The following SLC30A7 variants were observed in gnomAD, a reference collection of about 807,000 sequenced individuals.
SLC30A7 encodes the protein zinc transporter 7.
In SLC30A7, 35 loss-of-function variants were observed where a neutral mutation model predicts 46.0. The observed-to-expected ratio is 0.76, with a 90% confidence interval of 0.58 to 1.01. The LOEUF (loss-of-function observed/expected upper bound fraction) is 1.01, where lower values mean the gene tolerates loss of function less well. Among genes scored for constraint, SLC30A7 ranks in the 50% least tolerant of loss-of-function variants. The pLI, the probability that SLC30A7 is intolerant of heterozygous loss-of-function variation, is 0.00. For synonymous variants in SLC30A7, 147 were observed against 157.8 expected (o/e 0.93, Z 0.51); for missense variants, 464 against 451.1 (o/e 1.03, Z -0.26).
chr1:100,948,487 A>T (rs1223443758), intron 8 of SLC30A7, among the ~76,000 whole-genome samples: 1 of 151,910 alleles, frequency 6.6e-6, no homozygotes, highest in East Asian at 1.9e-4. Flanking sequence ...TTTTTCCTGC[A>T]TTTCAACCTT....
chr1:100,943,328 A>G (rs1481992036), intron 8 of SLC30A7, among the ~76,000 whole-genome samples: 3 of 152,208 alleles, frequency 2.0e-5, no homozygotes, highest in Non-Finnish European at 4.4e-5. Flanking sequence ...AAAGGACATA[A>G]CAAAGGATAC....
Position 100,913,792 on chromosome 1 carries a change from A to G in SLC30A7, c.641A>G (p.His214Arg), listed in dbSNP as rs568204643. The change falls in exon 6 of 11, where the codon CAC becomes CGC. Residue 214 changes from histidine (H) to arginine (R), a missense_variant. By Grantham distance (29) the His-to-Arg change is conservative. Transcript: ENST00000357650. The stretch of plus-strand genomic sequence containing the variant: ...CATGATCATGCTCATGGACATGGAC[A>G]CTTTCATTCTCATGGTGAGTACAGC... The part of the protein sequence containing the change: ...HSHDHAHGHG[H>R]FHSHDGPSLK... 7 of 1,613,878 alleles carry G rather than the reference A, an allele frequency of 4.3e-6. No individual in the cohort carries two copies. The South Asian group carries it at 7.7e-5, about 18-fold the overall frequency.
chr1:100,974,774 T>C, intron 10 of SLC30A7, 36 bp from the exon 11 acceptor site: 1 of 1,549,844 alleles, frequency 6.5e-7, no homozygotes, highest in Non-Finnish European at 8.8e-7. Flanking sequence ...TATTAGCTTG[T>C]TAGATTTTCT....
At chr1:100,912,341 A>T in intron 5 of SLC30A7, 103 bp downstream of exon 5, 1 of 1,288,310 alleles carries the variant, frequency 7.8e-7, no homozygotes, top group Non-Finnish European at 1.1e-6. Flanking sequence ...TCTGATGTCA[A>T]CAGACTATGT....
chr1:100,958,981 A>AT (rs1181593870), intron 8 of SLC30A7, among the ~76,000 whole-genome samples: 5 of 152,230 alleles, frequency 3.3e-5, no homozygotes, highest in African/African-American at 4.8e-5. Context: ...GACACTTGAA[A>AT]TTTTAAAGAA....
In SLC30A7 at chr1:100,976,709, GT is replaced by G. The variant is rs1214800044; in HGVS notation, c.*1856del. On this transcript the variant is annotated 3_prime_UTR_variant, in exon 11 of 11. Coordinates refer to ENST00000357650, the MANE Select transcript of SLC30A7 (RefSeq NM_133496.5). ...TGGCAGAAATCCCTGTTGATTCTAAGTTTTAGAGTGTCTTTTCCCCTATTTC... is the reference window on the plus strand; with the variant it reads ...TGGCAGAAATCCCTGTTGATTCTAAGTTTAGAGTGTCTTTTCCCCTATTTC... 2.0e-5 allele frequency: 3 copies of G among 152,576 alleles called. No individual in the cohort carries two copies. The highest frequency in any genetic ancestry group is 4.4e-5 in the Non-Finnish European group (3 of 68,016). 9.5% of individuals were successfully genotyped at this position (152,576 alleles called of 1,614,324 possible). A position where few individuals can be genotyped will look rare whatever the true frequency, so the allele number is the denominator to read the frequency against.
In SLC30A7 at chr1:100,896,162, C is replaced by A; in HGVS notation, c.-101C>A. On this transcript the variant is annotated 5_prime_UTR_variant, in exon 1 of 11. Coordinates refer to ENST00000357650, the MANE Select transcript of SLC30A7 (RefSeq NM_133496.5). ...GCAGCGGCGCGCGGCCCCGGACAAG[C>A]GCTGGGGATTCCCGTTTGAGGCGTC... 3.9e-6 allele frequency: 4 copies of A among 1,033,968 alleles called. No individual in the cohort carries two copies. Among genetic ancestry groups the A allele is most frequent in the Non-Finnish European group, 4.5e-6 (3 of 663,826 alleles). 64.0% of individuals were successfully genotyped at this position (1,033,968 alleles called of 1,614,324 possible).
intron 8 of SLC30A7, among the ~76,000 whole-genome samples, chr1:100,947,119 TG>T (rs1042462185): frequency 6.6e-6 from 1 of 152,202 alleles, no homozygotes; most frequent in Non-Finnish European, 1.5e-5. Flanking sequence ...TGTTTGCTCT[TG>T]GTTTTCTAGT....
At chr1:100,944,697 A>C (rs997184583) in intron 8 of SLC30A7, among the ~76,000 whole-genome samples, 1 of 131,086 alleles carries the variant, frequency 7.6e-6, no homozygotes, top group African/African-American at 2.9e-5. Flanking sequence ...ATTTCTTAAT[A>C]CAGTCTATCA....
intron 8 of SLC30A7, among the ~76,000 whole-genome samples, chr1:100,948,190 T>G (rs1392790445): frequency 6.6e-6 from 1 of 152,230 alleles, no homozygotes; most frequent in South Asian, 2.1e-4. Context: ...CTGGTGCTGG[T>G]TGTTCCTTTC....
intron 7 of SLC30A7, among the ~76,000 whole-genome samples, chr1:100,919,516 G>T (rs188172496): frequency 6.6e-6 from 1 of 151,904 alleles, no homozygotes; most frequent in Non-Finnish European, 1.5e-5. Flanking sequence ...CCAATCACAG[G>T]TTTTCCATTT....
chr1:100,958,303 A>G (rs193234678), intron 8 of SLC30A7, among the ~76,000 whole-genome samples: 7 of 152,042 alleles, frequency 4.6e-5, no homozygotes, highest in Admixed American at 3.3e-4. Context: ...CAGCCTCCTG[A>G]GTAGCTGGGA....
chr1:100,949,849 G>A (rs891166463), intron 8 of SLC30A7, among the ~76,000 whole-genome samples: 9 of 152,214 alleles, frequency 5.9e-5, no homozygotes, highest in Admixed American at 4.6e-4. Flanking sequence ...CTGGTCTGCC[G>A]GTTGCTCAGA....
In SLC30A7 at chr1:100,964,803, G is replaced by A. The variant is rs187659924; in HGVS notation, c.934-966G>A. Among the ~76,000 whole-genome samples the A allele has an allele frequency of 6.4e-3, 971 of 152,302 alleles. 16 individuals are homozygous for A. The highest frequency in any genetic ancestry group is 0.02 in the African/African-American group (842 of 41,564). ...CATCCATGAGGATGCCATGTAGAAA[G>A]AGTGGAGGGATATCTGGCTAAAACA... On this transcript the variant is annotated intron_variant, in intron 9 of 10. Coordinates refer to ENST00000357650, the MANE Select transcript of SLC30A7 (RefSeq NM_133496.5).
At chr1:100,898,582 A>G (rs909020175) in intron 2 of SLC30A7, among the ~76,000 whole-genome samples, 1 of 152,178 alleles carries the variant, frequency 6.6e-6, no homozygotes, top group Admixed American at 6.5e-5. Context: ...TAATCTCCAG[A>G]TCTACAACCA....
At chr1:100,948,137 A>C (rs1446090977) in intron 8 of SLC30A7, among the ~76,000 whole-genome samples, 4 of 152,156 alleles carry the variant, frequency 2.6e-5, no homozygotes, top group Admixed American at 2.6e-4. Context: ...CAGTTTCTTC[A>C]TAGCATCGAT....
At chr1:100,922,054 A>G (rs1480562560) in intron 8 of SLC30A7, among the ~76,000 whole-genome samples, 2 of 151,004 alleles carry the variant, frequency 1.3e-5, no homozygotes, top group Non-Finnish European at 2.9e-5. Context: ...CCTGGGTTGA[A>G]GCAATTCTCC....
intron 8 of SLC30A7, among the ~76,000 whole-genome samples, chr1:100,948,963 G>A (rs560712665): frequency 3.3e-5 from 5 of 151,980 alleles, no homozygotes; most frequent in South Asian, 2.1e-4. Context: ...TAACTTCCTC[G>A]TGATGGGTTA....
rs1423453348 is a variant in SLC30A7 at position 100,896,606 on chromosome 1, T to C, written c.117T>C (p.Phe39=). 1 of 1,614,154 alleles carries C rather than the reference T, an allele frequency of 6.2e-7. No individual in the cohort carries two copies. Among genetic ancestry groups the C allele is most frequent in the African/African-American group, 1.3e-5 (1 of 75,028 alleles). ...ILSDKTSRNL[F]FFLCLNLSFA... ...CCGACAAGACTTCCCGGAACCTGTT[T>C]TTCTTCCTGTGCCTGAACCTCTCTT... The change falls in exon 2 of 11, where the codon TTT becomes TTC. Residue 39 remains phenylalanine, a synonymous_variant. Coordinates refer to ENST00000357650, the MANE Select transcript of SLC30A7 (RefSeq NM_133496.5).
Sources: gnomAD v4.1 joint callset for allele counts (sites outside exome capture counted in the v4.1 genomes callset) on GRCh38, gnomAD v4.1.1 for gene constraint, MANE v1.5 for transcripts, NCBI Gene and HGNC (gene_info 2026-07-23, HGNC 2026-07-21) for gene names.